Variants in GLS observed in about 807,000 individuals in gnomAD.
The protein encoded by GLS is glutaminase kidney isoform, mitochondrial.
Under a neutral mutation model 86.7 loss-of-function variants are expected in GLS, and 36 were observed. The ratio of observed to expected loss-of-function variants is 0.42; its 90% CI spans 0.32 to 0.55. The LOEUF is 0.55. GLS is among the 20% of genes least tolerant of loss of function. The pLI is 0.17. For synonymous variants in GLS, 317 were observed against 305.9 expected, an observed-to-expected ratio of 1.04 and a Z score of -0.38; for missense variants, 528 against 833.4, an observed-to-expected ratio of 0.63 and a Z score of 4.51.
At position 190,895,341 on chromosome 2, in the gene GLS, A is replaced by G; in HGVS notation, c.483+93A>G. 1 of 582,284 alleles carries G rather than the reference A, an allele frequency of 1.7e-6. No individual in the cohort carries two copies. 36.1% of individuals were successfully genotyped at this position (582,284 alleles called of 1,614,324 possible). A position where few individuals can be genotyped will look rare whatever the true frequency, so the allele number is the denominator to read the frequency against. ...GAAATATAGTCTTAAAGGTCGTCTGACATGTAGATTCTGACTGACAATATT... is the reference window on the plus strand; with the variant it reads ...GAAATATAGTCTTAAAGGTCGTCTGGCATGTAGATTCTGACTGACAATATT... On this transcript the variant is annotated intron_variant, in intron 2 of 17. Coordinates refer to ENST00000320717, the MANE Select transcript of GLS (RefSeq NM_014905.5). The surrounding 1 kb of genome is among the most constrained non-coding windows in gnomAD (Gnocchi z 4.2).
rs547182973 is a variant in GLS, at chr2:190,956,570, G to A, written c.1853+1752G>A. On this transcript the variant is annotated intron_variant, in intron 17 of 17. Coordinates refer to ENST00000320717, the MANE Select transcript of GLS (RefSeq NM_014905.5). This position sits in a 1 kb window ranked among gnomAD's most constrained non-coding sequence, Gnocchi z 4.2. The stretch of plus-strand genomic sequence containing the variant: ...AGCTTTCTTCTTTTTGCTTAGGATC[G>A]TCTTGGCTATGTGGGCTCTTTTTTG... Among the ~76,000 whole-genome samples the A allele has an allele frequency of 4.6e-5, 7 of 152,158 alleles. No homozygotes were observed. The highest frequency in any genetic ancestry group is 3.4e-3 in the Middle Eastern group (1 of 294).
intron 9 of GLS, among the ~76,000 whole-genome samples, chr2:190,922,658 G>A (rs539500688): frequency 6.6e-6 from 1 of 152,218 alleles, no homozygotes; most frequent in East Asian, 1.9e-4. Context: ...CAGTCACTGT[G>A]ATAACTGCTG....
intron 7 of GLS, chr2:190,919,738 G>C (rs1689673638): frequency 1.1e-5 from 6 of 555,610 alleles, no homozygotes; most frequent in Non-Finnish European, 1.4e-5. Flanking sequence ...TCTACATTTT[G>C]ATTTCTGGTA....
At chr2:190,902,803 C>G (rs1412728621) in intron 5 of GLS, among the ~76,000 whole-genome samples, 4 of 152,030 alleles carry the variant, frequency 2.6e-5, no homozygotes, top group Admixed American at 2.0e-4. Flanking sequence ...TTTTTTCACT[C>G]ATTTTTAAAG....
chr2:190,881,646 C>G (rs33998570), intron 1 of GLS, 176 bp downstream of exon 1: 25 of 581,290 alleles, frequency 4.3e-5, no homozygotes, highest in Non-Finnish European at 6.4e-5. Flanking sequence ...CCGCCCGCGC[C>G]TTCCCCGCCC....
At chr2:190,912,330 A>G (rs1441168426) in intron 7 of GLS, among the ~76,000 whole-genome samples, 1 of 140,062 alleles carries the variant, frequency 7.1e-6, no homozygotes, top group Admixed American at 7.3e-5. Context: ...TGTTTTTAGC[A>G]TGTGTTTCAC....
At chr2:190,881,569 C>A in intron 1 of GLS, 99 bp downstream of exon 1, 2 of 1,148,206 alleles carry the variant, frequency 1.7e-6, no homozygotes, top group South Asian at 1.5e-5. Context: ...AGCCGAGGGT[C>A]TAGAAAAGAG....
intron 14 of GLS, among the ~76,000 whole-genome samples, chr2:190,948,507 C>T (rs757267306): frequency 6.6e-6 from 1 of 152,088 alleles, no homozygotes; most frequent in African/African-American, 2.4e-5. Flanking sequence ...TCTCTTCAAA[C>T]GAGCATGGTC....
At position 190,964,709 on chromosome 2, in the gene GLS, A is replaced by G. The variant is rs1175133175; in HGVS notation, c.*1723A>G. On this transcript the variant is annotated 3_prime_UTR_variant, in exon 18 of 18. Transcript: ENST00000320717. This position sits in a 1 kb window ranked among gnomAD's most constrained non-coding sequence, Gnocchi z 5.2. ...ACCCCGTGGATCTAGCAAGCCATGGAGACAGGTAGCATTTGTAAGATGCTG... is the reference window on the plus strand; with the variant it reads ...ACCCCGTGGATCTAGCAAGCCATGGGGACAGGTAGCATTTGTAAGATGCTG... 1 of 152,160 alleles carries G rather than the reference A, an allele frequency of 6.6e-6. No individual in the cohort carries two copies. Among genetic ancestry groups the G allele is most frequent in the East Asian group, 1.9e-4 (1 of 5,188 alleles). 9.4% of individuals were successfully genotyped at this position (152,160 alleles called of 1,614,324 possible).
chr2:190,890,026 G>A (rs1440963749), intron 1 of GLS, among the ~76,000 whole-genome samples: 1 of 152,054 alleles, frequency 6.6e-6, no homozygotes, highest in Non-Finnish European at 1.5e-5. Context: ...GAGAGCATGA[G>A]GTGGCAGAGC....
chr2:190,928,259 TAATATC>T (rs1409113206), intron 12 of GLS, among the ~76,000 whole-genome samples: 1 of 151,946 alleles, frequency 6.6e-6, no homozygotes, highest in African/African-American at 2.4e-5. Context: ...ATATCATTAT[TAATATC>T]AATATTAAAT....
At chr2:190,885,295 C>T (rs959437699) in intron 1 of GLS, among the ~76,000 whole-genome samples, 7 of 151,840 alleles carry the variant, frequency 4.6e-5, no homozygotes, top group African/African-American at 1.5e-4. Context: ...GGGTTCAAGC[C>T]ATTCTCCTGC....
intron 9 of GLS, among the ~76,000 whole-genome samples, chr2:190,923,037 A>G (rs1306059873): frequency 2.0e-5 from 3 of 152,082 alleles, no homozygotes; most frequent in Admixed American, 1.3e-4. Flanking sequence ...AGATTATCCA[A>G]CTACTTGCAT....
At chr2:190,884,540 A>G (rs1439090533) in intron 1 of GLS, among the ~76,000 whole-genome samples, 2 of 152,204 alleles carry the variant, frequency 1.3e-5, no homozygotes, top group Non-Finnish European at 2.9e-5. Context: ...CATTTTTATC[A>G]TACTTTTCTC....
intron 6 of GLS, among the ~76,000 whole-genome samples, chr2:190,909,040 ATAAACTAATTTATACTAATT>A (rs1240228389): frequency 6.6e-6 from 1 of 152,264 alleles, no homozygotes; most frequent in African/African-American, 2.4e-5. Context: ...AAATAAAAGT[ATAAACTAATTTATACTAATT>A]TAAACTAATT....
At chr2:190,886,962 T>A (rs1281994383) in intron 1 of GLS, among the ~76,000 whole-genome samples, 5 of 151,820 alleles carry the variant, frequency 3.3e-5, no homozygotes, top group Non-Finnish European at 7.4e-5. Context: ...CTGTACTACT[T>A]CCTTCTTGTG....
At position 190,954,328 on chromosome 2, in the gene GLS, T is replaced by C. The variant is rs747734194; in HGVS notation, c.1713-256T>C. On this transcript the variant is annotated intron_variant, in intron 15 of 17. Transcript: ENST00000320717. This position sits in a 1 kb window ranked among gnomAD's most constrained non-coding sequence, Gnocchi z 4.0. ...ATAATTCTTAAGTTGCGAACAATAATGTAATAAAGTTTAATTCTGTGAGAG... is the reference window on the plus strand; with the variant it reads ...ATAATTCTTAAGTTGCGAACAATAACGTAATAAAGTTTAATTCTGTGAGAG... 3.3e-5 allele frequency among the ~76,000 whole-genome samples: 5 copies of C among 152,122 alleles called. No homozygotes were observed. The highest frequency in any genetic ancestry group is 7.3e-5 in the Non-Finnish European group (5 of 68,032).
rs372464166 is a variant in GLS at position 190,905,204 on chromosome 2, G to T, written c.979+37G>T. Reference sequence around the variant, plus strand: ...ATAAACATTGGTTGAAAAAAGAAATGTCTCATTTTCCTATGTAAATCTAAG... The same window carrying T: ...ATAAACATTGGTTGAAAAAAGAAATTTCTCATTTTCCTATGTAAATCTAAG... On this transcript the variant is annotated intron_variant, in intron 6 of 17. Transcript: ENST00000320717. The surrounding 1 kb of genome is among the most constrained non-coding windows in gnomAD (Gnocchi z 4.6). 7.9e-6 allele frequency: 10 copies of T among 1,263,718 alleles called. No homozygotes were observed. The highest frequency in any genetic ancestry group is 1.1e-5 in the Non-Finnish European group (10 of 885,106). The allele number at this position is 1,263,718 out of a possible 1,614,324, so 78.3% of individuals were successfully genotyped here. A position where few individuals can be genotyped will look rare whatever the true frequency, so the allele number is the denominator to read the frequency against.
In GLS at chr2:190,881,324, G is replaced by A; in HGVS notation, c.240G>A (p.Leu80=). The A allele has an allele frequency of 6.6e-7, 1 of 1,522,864 alleles. No individual in the cohort carries two copies. Among genetic ancestry groups the A allele is most frequent in the Non-Finnish European group, 8.8e-7 (1 of 1,135,602 alleles). The allele number at this position is 1,522,864 out of a possible 1,614,324, so 94.3% of individuals were successfully genotyped here. A position where few individuals can be genotyped will look rare whatever the true frequency, so the allele number is the denominator to read the frequency against. Residue 80 remains leucine, a synonymous_variant, in exon 1 of 18, where the codon TTG becomes TTA. Transcript: ENST00000320717. Reference sequence around the variant, plus strand: ...TGTCCAGCTCTCCTTCGGAGATCTTGCAGGAGCTGGGCAAGGGGAGCACGC... The same window carrying A: ...TGTCCAGCTCTCCTTCGGAGATCTTACAGGAGCTGGGCAAGGGGAGCACGC... ...RGLSSSPSEI[L]QELGKGSTHP... is the part of the protein sequence containing the mutation.
Sources: gnomAD v4.1 joint callset for allele counts (sites outside exome capture counted in the v4.1 genomes callset) on GRCh38, gnomAD v4.1.1 for gene constraint, Gnocchi (gnomAD v3.1) non-coding constraint, MANE v1.5 for transcripts, NCBI Gene and HGNC (gene_info 2026-07-23, HGNC 2026-07-21) for gene names.